Variants in WWOX observed in about 807,000 individuals in gnomAD.
The protein encoded by WWOX is WW domain-containing oxidoreductase.
WWOX carries 69 observed loss-of-function variants against 46.2 expected under a neutral mutation model. The ratio of observed to expected loss-of-function variants is 1.49; its 90% CI spans 1.23 to 1.82. The LOEUF (loss-of-function observed/expected upper bound fraction) is 1.82. Among genes scored for constraint, WWOX ranks in the 40% most tolerant of loss-of-function variants. The pLI is 0.00. For synonymous variants in WWOX, 359 were observed against 202.6 expected (o/e 1.77, Z -6.56); for missense variants, 919 against 542.6 (o/e 1.69, Z -6.89).
intron 8 of WWOX, among the ~76,000 whole-genome samples, chr16:78,691,059 C>G (rs566619730): frequency 5.3e-5 from 8 of 152,322 alleles, no homozygotes; most frequent in South Asian, 4.1e-4. Context: ...TGAGTTCTGA[C>G]TTCATAAAAT....
At chr16:78,630,045 G>A (rs2046392075) in intron 8 of WWOX, among the ~76,000 whole-genome samples, 1 of 152,028 alleles carries the variant, frequency 6.6e-6, no homozygotes, top group Non-Finnish European at 1.5e-5. Flanking sequence ...CACTCATGTA[G>A]ACTCGAAGCT....
intron 8 of WWOX, among the ~76,000 whole-genome samples, chr16:79,187,158 A>G (rs903116418): frequency 2.0e-5 from 3 of 152,268 alleles, no homozygotes; most frequent in African/African-American, 7.2e-5. Flanking sequence ...ACCACTTACG[A>G]ATTGAATGAC....
intron 6 of WWOX, among the ~76,000 whole-genome samples, chr16:78,396,335 T>A (rs999451943): frequency 2.0e-5 from 3 of 152,142 alleles, no homozygotes; most frequent in Admixed American, 6.5e-5. Flanking sequence ...CTTTTTGCCA[T>A]ATTAAAAGTC....
chr16:78,424,653 A>C (rs1185531948), intron 6 of WWOX, among the ~76,000 whole-genome samples: 3 of 152,172 alleles, frequency 2.0e-5, no homozygotes, highest in Non-Finnish European at 4.4e-5. Flanking sequence ...GCAACGGAGG[A>C]CAGTTGCCCA....
chr16:78,654,966 A>G (rs1267878623), intron 8 of WWOX, among the ~76,000 whole-genome samples: 3 of 152,106 alleles, frequency 2.0e-5, no homozygotes, highest in Admixed American at 6.5e-5. Flanking sequence ...CTATGTGACC[A>G]CATTTAAAAT....
intron 8 of WWOX, among the ~76,000 whole-genome samples, chr16:78,575,068 T>A (rs1201057129): frequency 7.1e-4 from 18 of 25,378 alleles, no homozygotes; most frequent in South Asian, 2.0e-3. Flanking sequence ...TATATATATA[T>A]ATATATATAT....
chr16:78,185,014 C>A (rs982704579), intron 5 of WWOX, among the ~76,000 whole-genome samples: 1 of 152,212 alleles, frequency 6.6e-6, no homozygotes, highest in African/African-American at 2.4e-5. Flanking sequence ...GCAGCCTGCA[C>A]TGCTGGATGT....
rs535356791 is a variant in WWOX at position 78,581,593 on chromosome 16, C to T, written c.1056+148841C>T. ...AACCTCTAGGAATGTTTTTTTTAAC[C>T]AGTAAATGCACTGAAACATGGAATC... On this transcript the variant is annotated intron_variant, in intron 8 of 8. Coordinates refer to ENST00000566780, the MANE Select transcript of WWOX (RefSeq NM_016373.4). Among the ~76,000 whole-genome samples, 14 of 152,068 alleles carry T rather than the reference C, an allele frequency of 9.2e-5. 1 individual carries two copies. The highest frequency in any genetic ancestry group is 2.4e-4 in the African/African-American group (10 of 41,480).
chr16:78,587,699 T>G (rs1437702916), intron 8 of WWOX, among the ~76,000 whole-genome samples: 2 of 152,068 alleles, frequency 1.3e-5, no homozygotes, highest in Non-Finnish European at 2.9e-5. Context: ...AGGTGCTTGA[T>G]GGCTTGACTG....
At chr16:78,925,767 C>G (rs986030816) in intron 8 of WWOX, among the ~76,000 whole-genome samples, 2 of 152,156 alleles carry the variant, frequency 1.3e-5, no homozygotes, top group African/African-American at 2.4e-5. Flanking sequence ...GCTGTTTGTT[C>G]TTGCAGGGTG....
At chr16:78,993,339 A>T (rs1051672402) in intron 8 of WWOX, among the ~76,000 whole-genome samples, 1 of 152,154 alleles carries the variant, frequency 6.6e-6, no homozygotes. Context: ...GATGTTTTAT[A>T]TCTTGAATAT....
chr16:78,398,547 T>A (rs1353417514), intron 6 of WWOX, among the ~76,000 whole-genome samples: 2 of 152,192 alleles, frequency 1.3e-5, no homozygotes, highest in East Asian at 1.9e-4. Context: ...TGATGAGTTA[T>A]TTTTTGGACC....
Position 78,548,182 on chromosome 16 carries a change from C to CATAA in WWOX, c.1056+115430_1056+115431insATAA, listed in dbSNP as rs2044090511. The stretch of plus-strand genomic sequence containing the variant: ...AAAAAAAAAAAAAAAAAAAAAATTA[C>CATAA]GAATTTTGCGAGGACGCAAACATTT... On this transcript the variant is annotated intron_variant, in intron 8 of 8. Coordinates refer to ENST00000566780, the MANE Select transcript of WWOX (RefSeq NM_016373.4). Among the ~76,000 whole-genome samples the CATAA allele has an allele frequency of 3.5e-5, 3 of 85,998 alleles. 1 individual carries two copies. Among genetic ancestry groups the CATAA allele is most frequent in the Admixed American group, 1.5e-4 (1 of 6,834 alleles). 56.4% of individuals were successfully genotyped at this position (85,998 alleles called of 152,430 possible).
intron 5 of WWOX, among the ~76,000 whole-genome samples, chr16:78,362,245 T>C (rs970129659): frequency 1.3e-5 from 2 of 152,204 alleles, no homozygotes; most frequent in African/African-American, 2.4e-5. Flanking sequence ...GTGTGCCTTG[T>C]CCGTCTTGCT....
intron 8 of WWOX, among the ~76,000 whole-genome samples, chr16:78,609,600 G>T (rs1163214002): frequency 6.7e-6 from 1 of 148,568 alleles, no homozygotes; most frequent in Non-Finnish European, 1.5e-5. Flanking sequence ...GTGATTCCCT[G>T]GCTTCACCAG....
At chr16:78,869,375 C>T (rs1005798778) in intron 8 of WWOX, among the ~76,000 whole-genome samples, 3 of 152,262 alleles carry the variant, frequency 2.0e-5, no homozygotes, top group Admixed American at 6.5e-5. Context: ...ACCTGTTTTT[C>T]CTACTCAAAA....
At chr16:78,974,402 A>G (rs928275699) in intron 8 of WWOX, among the ~76,000 whole-genome samples, 2 of 152,192 alleles carry the variant, frequency 1.3e-5, no homozygotes, top group African/African-American at 2.4e-5. Flanking sequence ...CTGCCTTGCT[A>G]TACACTAGCC....
At chr16:78,625,713 A>G (rs1196783777) in intron 8 of WWOX, among the ~76,000 whole-genome samples, 3 of 148,982 alleles carry the variant, frequency 2.0e-5, no homozygotes, top group South Asian at 2.1e-4. Flanking sequence ...GTTTTTTGCT[A>G]TTAAAAGTAA....
At chr16:78,978,259 T>G (rs2046612277) in intron 8 of WWOX, among the ~76,000 whole-genome samples, 1 of 152,232 alleles carries the variant, frequency 6.6e-6, no homozygotes, top group Non-Finnish European at 1.5e-5. Context: ...GCATTTGGGT[T>G]ATTTCCACCT....
Sources: gnomAD v4.1 joint callset for allele counts (sites outside exome capture counted in the v4.1 genomes callset) on GRCh38, gnomAD v4.1.1 for gene constraint, MANE v1.5 for transcripts, NCBI Gene and HGNC (gene_info 2026-07-23, HGNC 2026-07-21) for gene names.